Variants in MAF observed in about 807,000 individuals in gnomAD.
The protein encoded by MAF is MAF bZIP transcription factor.
Under a neutral mutation model 22.0 loss-of-function variants are expected in MAF, and 10 were observed. The observed-to-expected ratio is 0.45, with a 90% CI of 0.28 to 0.77. MAF has a LOEUF of 0.77. Among genes scored for constraint, MAF ranks in the 30% least tolerant of loss-of-function variants. MAF has a pLI of 0.12. For synonymous variants in MAF, 337 were observed against 255.8 expected (o/e 1.32, Z -3.03); for missense variants, 544 against 548.4 (o/e 0.99, Z 0.08).
the MAF span, among the ~76,000 whole-genome samples, chr16:79,460,252 C>A: frequency 6.6e-6 from 1 of 151,898 alleles, no homozygotes; most frequent in Non-Finnish European, 1.5e-5. Context: ...TTATTTTTTC[C>A]GGATTGGGCA....
the MAF span, among the ~76,000 whole-genome samples, chr16:79,223,242 G>T: frequency 1.8e-4 from 27 of 152,144 alleles, no homozygotes; most frequent in Admixed American, 6.5e-4. Context: ...CATGGAACCT[G>T]AACAACCTGC....
At chr16:79,550,981 C>G in the MAF span, among the ~76,000 whole-genome samples, 9 of 152,176 alleles carry the variant, frequency 5.9e-5, no homozygotes, top group Middle Eastern at 3.4e-3. Context: ...TTTGGAGGCC[C>G]CCGTGGCCTC....
chr16:79,498,004 C>T, the MAF span, among the ~76,000 whole-genome samples: 1 of 152,200 alleles, frequency 6.6e-6, no homozygotes, highest in South Asian at 2.1e-4. Flanking sequence ...GACTATAAAA[C>T]TAAAGGGACA....
chr16:79,263,570 C>A, the MAF span, among the ~76,000 whole-genome samples: 1 of 152,226 alleles, frequency 6.6e-6, no homozygotes, highest in Non-Finnish European at 1.5e-5. Flanking sequence ...GCCCAGGATT[C>A]TCTTTCCTCT....
At chr16:79,592,879 A>C (rs1378141766), downstream of MAF, among the ~76,000 whole-genome samples, 1 of 152,338 alleles carries the variant, frequency 6.6e-6, no homozygotes, top group East Asian at 1.9e-4. Context: ...CGTAGTGGGG[A>C]ACCTTGCAAA....
At chr16:79,480,068 G>A in the MAF span, among the ~76,000 whole-genome samples, 27 of 152,174 alleles carry the variant, frequency 1.8e-4, no homozygotes, top group Admixed American at 1.7e-3. Context: ...GCTCCAGGGT[G>A]TAAGATTAAT....
chr16:79,212,310 C>T, the MAF span: 3 of 879,120 alleles, frequency 3.4e-6, no homozygotes, highest in Non-Finnish European at 5.0e-6. Flanking sequence ...GCTGGGGAGA[C>T]AAATCTCAGA....
chr16:79,458,976 CT>C, the MAF span, among the ~76,000 whole-genome samples: 6 of 152,296 alleles, frequency 3.9e-5, no homozygotes, highest in East Asian at 9.6e-4. Context: ...TATATTACTT[CT>C]TTTTTCTTTC....
the MAF span, among the ~76,000 whole-genome samples, chr16:79,208,679 C>T: frequency 6.6e-6 from 1 of 151,590 alleles, no homozygotes; most frequent in African/African-American, 2.4e-5. Flanking sequence ...ATTGGCAGTA[C>T]CTGCTTGTTT....
chr16:79,569,195 C>T, the MAF span, among the ~76,000 whole-genome samples: 1,158 of 152,274 alleles, frequency 7.6e-3, 15 homozygotes, highest in African/African-American at 0.027. Context: ...GGTCGGATAA[C>T]GCTTTGTGGG....
At chr16:79,215,635 G>A in the MAF span, among the ~76,000 whole-genome samples, 4 of 152,152 alleles carry the variant, frequency 2.6e-5, no homozygotes, top group East Asian at 1.9e-4. Flanking sequence ...ATGAGGCCTC[G>A]GGGAACTTTG....
chr16:79,434,955 G>T, the MAF span, among the ~76,000 whole-genome samples: 2 of 152,102 alleles, frequency 1.3e-5, no homozygotes, highest in South Asian at 4.1e-4. Flanking sequence ...AATGGTCTGC[G>T]ACTGGTGATG....
At chr16:79,287,291 A>G in the MAF span, among the ~76,000 whole-genome samples, 2 of 152,198 alleles carry the variant, frequency 1.3e-5, no homozygotes, top group Non-Finnish European at 2.9e-5. Context: ...CCACGCTCCC[A>G]GCCCAGCTGC....
At chr16:79,484,801 G>A in the MAF span, among the ~76,000 whole-genome samples, 4 of 151,936 alleles carry the variant, frequency 2.6e-5, no homozygotes, top group African/African-American at 4.8e-5. Flanking sequence ...GCATGTGCAC[G>A]TGTGTGTGTG....
chr16:79,355,193 C>G, the MAF span, among the ~76,000 whole-genome samples: 1 of 152,210 alleles, frequency 6.6e-6, no homozygotes, highest in African/African-American at 2.4e-5. Context: ...GTACTTGCAC[C>G]TATCTCCCCA....
At chr16:79,372,428 G>C in the MAF span, among the ~76,000 whole-genome samples, 5 of 152,134 alleles carry the variant, frequency 3.3e-5, no homozygotes, top group Middle Eastern at 3.2e-3. Flanking sequence ...TGTCTGCTCA[G>C]AGACCAGCTC....
the MAF span, among the ~76,000 whole-genome samples, chr16:79,283,480 G>C: frequency 6.6e-6 from 1 of 152,156 alleles, no homozygotes; most frequent in African/African-American, 2.4e-5. Context: ...TGCTTAATTT[G>C]TAGTCCCAAA....
the MAF span, among the ~76,000 whole-genome samples, chr16:79,331,248 G>A: frequency 6.6e-6 from 1 of 152,170 alleles, no homozygotes; most frequent in Non-Finnish European, 1.5e-5. Context: ...AGACCTTGGA[G>A]TGTGTGTGAC....
Position 79,599,198 on chromosome 16 carries a change from GCCT to G in MAF, c.702_704del (p.Gly238del). ...CCCCCGCCCCCGCCGCGCCCCCGCC[GCCT>G]CCGCCGCCGCCGCCGCCGCCGCCGC... On this transcript the variant is annotated inframe_deletion, in exon 1 of 2. Transcript: ENST00000326043. 26 of 982,958 alleles carry G rather than the reference GCCT, an allele frequency of 2.6e-5. No homozygotes were observed. The highest frequency in any genetic ancestry group is 3.1e-5 in the Non-Finnish European group (26 of 828,690). The allele number at this position is 982,958 out of a possible 1,614,324, so 60.9% of individuals were successfully genotyped here.
Sources: allele counts gnomAD v4.1 joint callset (sites outside exome capture counted in the v4.1 genomes callset), GRCh38; gene constraint gnomAD v4.1.1; transcripts MANE v1.5; gene names NCBI Gene and HGNC (gene_info 2026-07-23, HGNC 2026-07-21).